ARID1B: variants seen among roughly 807,000 people sequenced by gnomAD.
ARID1B encodes AT-rich interactive domain-containing protein 1B.
A neutral mutation model predicts 212.3 loss-of-function variants in ARID1B; 30 were observed. That is an observed-to-expected ratio of 0.14 (90% CI 0.11 to 0.19). The LOEUF (loss-of-function observed/expected upper bound fraction) is 0.19, where lower values mean the gene tolerates loss of function less well. ARID1B is among the 10% of genes least tolerant of loss of function. ARID1B has a pLI of 1.00. For missense variants in ARID1B, 2,891 were observed against 3,204.0 expected, an observed-to-expected ratio of 0.90 and a Z score of 2.36; for synonymous variants, 1,402 against 1,301.7, an observed-to-expected ratio of 1.08 and a Z score of -1.66.
chr6:157,150,011 TC>T (rs1326503358), intron 8 of ARID1B: 1 of 152,216 alleles, frequency 6.6e-6, no homozygotes, highest in African/African-American at 2.4e-5. Context: ...CTTAAAATCT[TC>T]TGAACTCCAG....
At chr6:157,131,171 A>G (rs576556090) in intron 6 of ARID1B, among the ~76,000 whole-genome samples, 2 of 152,306 alleles carry the variant, frequency 1.3e-5, no homozygotes, top group South Asian at 4.1e-4. Context: ...GAAGAATTTA[A>G]CATCCATTCA....
chr6:157,162,601 A>G (rs183909853), intron 8 of ARID1B, among the ~76,000 whole-genome samples: 7 of 152,328 alleles, frequency 4.6e-5, no homozygotes, highest in Admixed American at 1.3e-4. Flanking sequence ...TGCTTATAGA[A>G]TGACAGTTCT....
intron 3 of ARID1B, among the ~76,000 whole-genome samples, chr6:156,906,100 G>C (rs1789352156): frequency 6.6e-6 from 1 of 152,192 alleles, no homozygotes; most frequent in South Asian, 2.1e-4. Flanking sequence ...GGCTGTAGTA[G>C]GGTTGGGGTG....
chr6:157,074,967 G>A (rs1286420061), intron 4 of ARID1B, among the ~76,000 whole-genome samples: 1 of 152,138 alleles, frequency 6.6e-6, no homozygotes, highest in Non-Finnish European at 1.5e-5. Flanking sequence ...TTATCATCAT[G>A]GTTATTATTA....
In ARID1B at chr6:156,778,548, G is replaced by C. The variant is rs2114978190; in HGVS notation, c.868G>C (p.Ala290Pro). 4.1e-6 allele frequency: 5 copies of C among 1,231,046 alleles called. No individual in the cohort carries two copies. Among genetic ancestry groups the C allele is most frequent in the Non-Finnish European group, 5.0e-6 (5 of 990,228 alleles). The allele number at this position is 1,231,046 out of a possible 1,614,324, so 76.3% of individuals were successfully genotyped here. ...GGRYEHPGLG[A>P]LGTQQPPVAV... ...CCGCTACGAGCACCCGGGCTTGGGC[G>C]CCCTGGGCACGCAGCAGCCGCCGGT... Residue 290 changes from alanine to proline, a missense_variant, in exon 1 of 20, where the codon GCC becomes CCC. By Grantham distance (27) the Ala-to-Pro change is conservative (BLOSUM62 -1). Transcript: ENST00000636930.
At chr6:156,902,987 C>G (rs772728993) in intron 3 of ARID1B, among the ~76,000 whole-genome samples, 1 of 152,012 alleles carries the variant, frequency 6.6e-6, no homozygotes, top group Non-Finnish European at 1.5e-5. Context: ...GTCATGTCAT[C>G]AAAATTTAAG....
rs552802267 is a variant in ARID1B, at chr6:157,201,709, G to A, written c.5263+221G>A. Among the ~76,000 whole-genome samples the A allele has an allele frequency of 6.6e-6, 1 of 152,208 alleles. No homozygotes were observed. The highest frequency in any genetic ancestry group is 1.5e-5 in the Non-Finnish European group (1 of 68,042). On this transcript the variant is annotated intron_variant, in intron 18 of 19. Transcript: ENST00000636930. This position sits in a 1 kb window ranked among gnomAD's most constrained non-coding sequence, Gnocchi z 5.2. Reference sequence around the variant, plus strand: ...TGGCCGGGCGCGGTGGCTCATGCCTGTAATACCAGCACTTTGGGAGGCCCA... The same window carrying A: ...TGGCCGGGCGCGGTGGCTCATGCCTATAATACCAGCACTTTGGGAGGCCCA...
rs2128375921 is a variant in ARID1B at position 157,201,324 on chromosome 6, C to G, written c.5099C>G (p.Ser1700Cys). 1 of 1,614,076 alleles carries G rather than the reference C, an allele frequency of 6.2e-7. No homozygotes were observed. Among genetic ancestry groups the G allele is most frequent in the Non-Finnish European group, 8.5e-7 (1 of 1,180,002 alleles). ...MSPSKSPFLP[S>C]MKMQKVMPTV... ...CCAAGCAAGTCTCCTTTTCTGCCGT[C>G]TATGAAGATGCAGAAGGTCATGCCC... The change falls in exon 18 of 20, where the codon TCT becomes TGT. Residue 1700 changes from serine (S) to cysteine (C), a missense_variant. Around this residue, in one of 7 missense-constraint regions of ARID1B, gnomAD observed 666 missense variants for 873.5 expected, o/e 0.76. Coordinates refer to ENST00000636930, the MANE Select transcript of ARID1B (RefSeq NM_001374828.1). The surrounding 1 kb of genome is among the most constrained non-coding windows in gnomAD (Gnocchi z 5.2).
chr6:156,917,453 G>T (rs1013693736), intron 3 of ARID1B, among the ~76,000 whole-genome samples: 1 of 152,176 alleles, frequency 6.6e-6, no homozygotes, highest in Non-Finnish European at 1.5e-5. Flanking sequence ...CGTGGGAGGG[G>T]TGTGTTTCAA....
intron 4 of ARID1B, among the ~76,000 whole-genome samples, chr6:156,956,533 A>G (rs1227632155): frequency 1.3e-5 from 2 of 152,110 alleles, no homozygotes; most frequent in African/African-American, 2.4e-5. Context: ...CTGGGTCACC[A>G]TGGAGGCTTC....
chr6:157,049,635 T>C (rs1422755056), intron 4 of ARID1B, among the ~76,000 whole-genome samples: 7 of 152,104 alleles, frequency 4.6e-5, no homozygotes, highest in African/African-American at 1.4e-4. Flanking sequence ...TTGTATCTCA[T>C]TGAGGAAGAG....
At chr6:156,834,213 A>G (rs922896308) in intron 2 of ARID1B, among the ~76,000 whole-genome samples, 2 of 151,252 alleles carry the variant, frequency 1.3e-5, no homozygotes, top group Non-Finnish European at 2.9e-5. Context: ...TTATGATTCA[A>G]TCTTTGAATC....
chr6:157,019,732 A>G (rs1272431612), intron 4 of ARID1B, among the ~76,000 whole-genome samples: 5 of 152,168 alleles, frequency 3.3e-5, no homozygotes, highest in African/African-American at 1.2e-4. Context: ...CTCAACTGTC[A>G]TCTAATTGCC....
chr6:157,039,780 C>A (rs1257608985), intron 4 of ARID1B, among the ~76,000 whole-genome samples: 1 of 131,712 alleles, frequency 7.6e-6, no homozygotes, highest in Non-Finnish European at 1.6e-5. Flanking sequence ...TACCTACCTT[C>A]CTTCCTTCCT....
intron 2 of ARID1B, among the ~76,000 whole-genome samples, chr6:156,898,169 G>A (rs9384511): frequency 0.2 from 30,037 of 152,014 alleles, 3,149 homozygotes; most frequent in Non-Finnish European, 0.23. Flanking sequence ...GCTGACTAGC[G>A]CTCAGTAACT....
intron 8 of ARID1B, among the ~76,000 whole-genome samples, chr6:157,165,604 C>G (rs1414894767): frequency 1.3e-5 from 2 of 152,012 alleles, no homozygotes; most frequent in South Asian, 4.2e-4. Context: ...CACCTGTAAT[C>G]CCAGCACTTT....
At chr6:156,788,496 C>T (rs1189262719) in intron 1 of ARID1B, among the ~76,000 whole-genome samples, 1 of 152,176 alleles carries the variant, frequency 6.6e-6, no homozygotes, top group East Asian at 1.9e-4. Flanking sequence ...CCTAAACCTT[C>T]CCACTTTGAT....
rs891053307 is a variant in ARID1B at position 156,961,610 on chromosome 6, C to T, written c.2247+26034C>T. Among the ~76,000 whole-genome samples, 3 of 152,112 alleles carry T rather than the reference C, an allele frequency of 2.0e-5. No individual in the cohort carries two copies. The South Asian group carries it at 6.2e-4, about 32-fold the overall frequency. The stretch of plus-strand genomic sequence containing the variant: ...TCTTCTTGGTGGAAGCCTGGTGGTC[C>T]TTAGCAGTACTGGGAGTATTTGAAG... On this transcript the variant is annotated intron_variant, in intron 4 of 19. Transcript: ENST00000636930.
intron 5 of ARID1B, among the ~76,000 whole-genome samples, chr6:157,092,220 T>A (rs373728291): frequency 1.3e-5 from 2 of 152,254 alleles, no homozygotes; most frequent in African/African-American, 4.8e-5. Flanking sequence ...AAATGCTGCT[T>A]AGCAATAGTT....
Sources: allele counts gnomAD v4.1 joint callset (sites outside exome capture counted in the v4.1 genomes callset), GRCh38; gene constraint gnomAD v4.1.1; regional missense constraint gnomAD v4.1.1; non-coding constraint Gnocchi (gnomAD v3.1); transcripts MANE v1.5; gene names NCBI Gene and HGNC (gene_info 2026-07-23, HGNC 2026-07-21).